KCNQ5: variants seen among roughly 807,000 people sequenced by gnomAD.
KCNQ5 encodes the protein potassium voltage-gated channel subfamily KQT member 5.
KCNQ5 carries 30 observed loss-of-function variants against 98.2 expected under a neutral mutation model. That is an observed-to-expected ratio of 0.31 (90% confidence interval 0.23 to 0.41). The LOEUF (loss-of-function observed/expected upper bound fraction) is 0.41, where lower values mean the gene tolerates loss of function less well. KCNQ5 is among the 10% of genes least tolerant of loss of function. The probability of loss-of-function intolerance (pLI) is 1.00; values close to 1 mark genes in which losing one functional copy is unlikely to be tolerated. For synonymous variants in KCNQ5, 458 were observed against 449.4 expected (o/e 1.02, Z -0.24); for missense variants, 835 against 1,182.5 (o/e 0.71, Z 4.31).
At chr6:73,099,846 T>C (rs1774686794) in intron 5 of KCNQ5, among the ~76,000 whole-genome samples, 1 of 152,188 alleles carries the variant, frequency 6.6e-6, no homozygotes, top group Admixed American at 6.5e-5. Context: ...TAAATATTTA[T>C]AGAACATTTC....
chr6:72,806,674 A>G (rs9446758), intron 1 of KCNQ5, among the ~76,000 whole-genome samples: 151,006 of 152,232 alleles, frequency 0.99, 74,898 homozygotes, highest in East Asian at 1. Context: ...TTGGCCCAAT[A>G]TTCCTATTAT....
intron 2 of KCNQ5, among the ~76,000 whole-genome samples, chr6:73,040,724 A>G (rs567405985): frequency 4.6e-5 from 7 of 152,316 alleles, no homozygotes; most frequent in African/African-American, 1.7e-4. Context: ...GTGCAAAATA[A>G]GAGAAGGATA....
At chr6:72,895,338 C>T (rs1779209813) in intron 1 of KCNQ5, among the ~76,000 whole-genome samples, 1 of 150,734 alleles carries the variant, frequency 6.6e-6, no homozygotes, top group Non-Finnish European at 1.5e-5. Context: ...TGTGCTCCTC[C>T]CAGTTAGGAA....
chr6:73,059,078 AATGTAACTCATTCTACCTT>A (rs1269305196), intron 3 of KCNQ5, among the ~76,000 whole-genome samples: 1 of 152,212 alleles, frequency 6.6e-6, no homozygotes, highest in Non-Finnish European at 1.5e-5. Flanking sequence ...TTCTCAAAGG[AATGTAACTCATTCTACCTT>A]AAAGACATAT....
At chr6:72,971,120 C>G (rs1227577222) in intron 1 of KCNQ5, among the ~76,000 whole-genome samples, 1 of 152,118 alleles carries the variant, frequency 6.6e-6, no homozygotes, top group Non-Finnish European at 1.5e-5. Context: ...GGCTAATATC[C>G]AGAATCTACA....
At chr6:72,961,950 G>A (rs1357050661) in intron 1 of KCNQ5, among the ~76,000 whole-genome samples, 2 of 151,816 alleles carry the variant, frequency 1.3e-5, no homozygotes, top group African/African-American at 2.4e-5. Flanking sequence ...GCCAAGGCGG[G>A]CAGATCCCTT....
chr6:73,042,032 A>C lies in KCNQ5; in HGVS notation c.586A>C (p.Arg196=). 1 of 1,613,880 alleles carries C rather than the reference A, an allele frequency of 6.2e-7. No individual in the cohort carries two copies. The highest frequency in any genetic ancestry group is 1.3e-5 in the African/African-American group (1 of 75,028). ...ATATAGAGGATGGCAAGGAAGACTG[A>C]GGTTTGCTCGAAAGCCCTTCTGTGT... is the stretch of plus-strand genomic sequence containing the variant. The part of the protein sequence containing the change: ...CRYRGWQGRL[R]FARKPFCVID... The change falls in exon 3 of 14, where the codon AGG becomes CGG. Residue 196 remains arginine (R), a synonymous_variant. Coordinates refer to ENST00000370398, the MANE Select transcript of KCNQ5 (RefSeq NM_019842.4).
chr6:72,970,702 C>A (rs996024698), intron 1 of KCNQ5, among the ~76,000 whole-genome samples: 1 of 152,172 alleles, frequency 6.6e-6, no homozygotes, highest in African/African-American at 2.4e-5. Context: ...CACACATCTA[C>A]AACTATCTGA....
At chr6:73,062,783 A>C (rs1477715737) in intron 3 of KCNQ5, among the ~76,000 whole-genome samples, 3 of 152,190 alleles carry the variant, frequency 2.0e-5, no homozygotes, top group Non-Finnish European at 1.5e-5. Flanking sequence ...GTTCTTTTAC[A>C]GGAGGCTTGT....
chr6:73,065,547 T>G lies in KCNQ5; in HGVS notation c.617-11775T>G, dbSNP rs200251352. Among the ~76,000 whole-genome samples the G allele has an allele frequency of 8.5e-5, 13 of 152,328 alleles. No individual in the cohort carries two copies. In the South Asian group the frequency reaches 2.7e-3, roughly 32 times the overall value. Reference sequence around the variant, plus strand: ...TTTCCCAAAGGTAACCAAAATGATCTTGTGAAATACACATCTGATCCTGCA... The same window carrying G: ...TTTCCCAAAGGTAACCAAAATGATCGTGTGAAATACACATCTGATCCTGCA... On this transcript the variant is annotated intron_variant, in intron 3 of 13. Coordinates refer to ENST00000370398, the MANE Select transcript of KCNQ5 (RefSeq NM_019842.4).
intron 1 of KCNQ5, among the ~76,000 whole-genome samples, chr6:72,758,689 T>A (rs1396849140): frequency 6.6e-6 from 1 of 152,180 alleles, no homozygotes; most frequent in African/African-American, 2.4e-5. Flanking sequence ...TTACAGCAAT[T>A]GTAATATATT....
At chr6:72,738,026 G>A (rs1770937664) in intron 1 of KCNQ5, among the ~76,000 whole-genome samples, 1 of 149,378 alleles carries the variant, frequency 6.7e-6, no homozygotes, top group Admixed American at 6.6e-5. Flanking sequence ...GTGGTGGCGG[G>A]CGCCTGTAGT....
chr6:72,791,284 C>T (rs961084622), intron 1 of KCNQ5, among the ~76,000 whole-genome samples: 2 of 152,070 alleles, frequency 1.3e-5, no homozygotes, highest in Non-Finnish European at 2.9e-5. Flanking sequence ...CATGCATATC[C>T]ACACGTGTGT....
chr6:72,972,471 C>T (rs1009600637), intron 1 of KCNQ5, among the ~76,000 whole-genome samples: 3 of 151,880 alleles, frequency 2.0e-5, no homozygotes, highest in Non-Finnish European at 2.9e-5. Flanking sequence ...TCTATTGACC[C>T]ATCCCCTAAG....
intron 1 of KCNQ5, among the ~76,000 whole-genome samples, chr6:72,717,885 T>C (rs1769728712): frequency 6.6e-6 from 1 of 152,200 alleles, no homozygotes; most frequent in African/African-American, 2.4e-5. Flanking sequence ...ACCATTTGTT[T>C]AGTAGAATAT....
intron 1 of KCNQ5, among the ~76,000 whole-genome samples, chr6:72,931,352 C>T (rs1214035412): frequency 2.0e-5 from 3 of 152,066 alleles, no homozygotes; most frequent in Non-Finnish European, 4.4e-5. Flanking sequence ...TTTTTCTTGA[C>T]TATTAATTTG....
intron 1 of KCNQ5, among the ~76,000 whole-genome samples, chr6:72,738,072 G>A (rs896132213): frequency 6.6e-6 from 1 of 152,058 alleles, no homozygotes; most frequent in African/African-American, 2.4e-5. Flanking sequence ...GGAGAATGGC[G>A]TGAACCCACG....
At chr6:72,733,838 C>T (rs1770682081) in intron 1 of KCNQ5, among the ~76,000 whole-genome samples, 1 of 152,160 alleles carries the variant, frequency 6.6e-6, no homozygotes, top group Non-Finnish European at 1.5e-5. Context: ...AGTCCTGCAG[C>T]CCCATGAGGC....
chr6:72,745,348 C>G (rs1771332336), intron 1 of KCNQ5, among the ~76,000 whole-genome samples: 1 of 152,116 alleles, frequency 6.6e-6, no homozygotes, highest in Non-Finnish European at 1.5e-5. Flanking sequence ...AATATCAGAT[C>G]AATAAAAGAT....
Sources: gnomAD v4.1 joint callset for allele counts (sites outside exome capture counted in the v4.1 genomes callset) on GRCh38, gnomAD v4.1.1 for gene constraint, MANE v1.5 for transcripts, NCBI Gene and HGNC (gene_info 2026-07-23, HGNC 2026-07-21) for gene names.